Variants in POC1B observed in about 807,000 individuals in gnomAD.
POC1B encodes the protein POC1 centriolar protein B.
POC1B carries 44 observed loss-of-function variants against 60.6 expected under a neutral mutation model. The ratio of observed to expected loss-of-function variants is 0.73; its 90% CI spans 0.57 to 0.93. The LOEUF (loss-of-function observed/expected upper bound fraction) is 0.93. POC1B is among the 40% of genes least tolerant of loss of function. The pLI is 0.00. For synonymous variants in POC1B, 180 were observed against 198.9 expected, an observed-to-expected ratio of 0.90 and a Z score of 0.80; for missense variants, 555 against 572.3, an observed-to-expected ratio of 0.97 and a Z score of 0.31.
chr12:89,494,664 A>T (rs1565748790), intron 3 of POC1B, among the ~76,000 whole-genome samples: 1 of 152,174 alleles, frequency 6.6e-6, no homozygotes, highest in Non-Finnish European at 1.5e-5. Flanking sequence ...GGCAGAAGTG[A>T]CACTGCAAGT....
chr12:89,484,540 T>C (rs536865480), intron 4 of POC1B, among the ~76,000 whole-genome samples: 5 of 152,360 alleles, frequency 3.3e-5, no homozygotes, highest in Admixed American at 1.3e-4. Flanking sequence ...AGTTAATAGC[T>C]GACATTAATT....
At position 89,497,203 on chromosome 12, in the gene POC1B, T is replaced by C. The variant is rs1032759424; in HGVS notation, c.240A>G (p.Arg80=). 3.7e-6 allele frequency: 6 copies of C among 1,613,956 alleles called. No individual in the cohort carries two copies. In the Admixed American group the frequency reaches 8.3e-5, roughly 22 times the overall value. The change falls in exon 3 of 12, where the codon CGA becomes CGG. Residue 80 remains arginine (R), a synonymous_variant. Coordinates refer to ENST00000313546, the MANE Select transcript of POC1B (RefSeq NM_172240.3). ...GAATCCAGAGTCTCACGGTTCTGTCTCGTGAGGCAGACGCCAATAAGTTTC... is the reference window on the plus strand; with the variant it reads ...GAATCCAGAGTCTCACGGTTCTGTCCCGTGAGGCAGACGCCAATAAGTTTC... ...PHGNLLASAS[R]DRTVRLWIPD...
At chr12:89,520,372 C>G (rs1402939328) in intron 2 of POC1B, 18 of 151,228 alleles carry the variant, frequency 1.2e-4, no homozygotes, top group Admixed American at 1.2e-3. Context: ...AGGTGGCTAA[C>G]AAGAAAACCA....
intron 9 of POC1B, among the ~76,000 whole-genome samples, chr12:89,465,760 G>A (rs1882660109): frequency 6.6e-6 from 1 of 152,130 alleles, no homozygotes; most frequent in Non-Finnish European, 1.5e-5. Context: ...TTATAGCCAA[G>A]AACTGAAAGT....
At chr12:89,435,137 T>G (rs1171280501) in intron 10 of POC1B, among the ~76,000 whole-genome samples, 1 of 151,566 alleles carries the variant, frequency 6.6e-6, no homozygotes, top group Non-Finnish European at 1.5e-5. Context: ...CTGGATACAG[T>G]TGAAAAACTG....
In POC1B at chr12:89,499,581, TGGTTTAAGAACACTG is replaced by T. The variant is rs1234820544; in HGVS notation, c.101-2254_101-2240del. ...TTTGAGCAGGGGCAATCTCATGATC[TGGTTTAAGAACACTG>T]CCACTTTGACAATAAGGAAAGGATT... On this transcript the variant is annotated intron_variant, in intron 2 of 11. Transcript: ENST00000313546. Among the ~76,000 whole-genome samples the T allele has an allele frequency of 2.0e-4, 31 of 152,130 alleles. No homozygotes were observed. The South Asian group carries it at 4.9e-3, about 24-fold the overall frequency.
rs1325511714 is a variant in POC1B at position 89,523,229 on chromosome 12, T to C, written c.100+1891A>G. The C allele has an allele frequency of 4.3e-6, 7 of 1,613,952 alleles. No homozygotes were observed. In the Admixed American group the frequency reaches 1.0e-4, roughly 23 times the overall value. Reference sequence around the variant, plus strand: ...CGAATAGCCCCATGCCAGCCTGGTCTATCCTCTGGAACATGTAAATTAGGA... The same window carrying C: ...CGAATAGCCCCATGCCAGCCTGGTCCATCCTCTGGAACATGTAAATTAGGA... On this transcript the variant is annotated intron_variant, in intron 2 of 11. Transcript: ENST00000313546.
intron 6 of POC1B, 109 bp downstream of exon 6, chr12:89,471,505 G>A (rs1882892079): frequency 2.5e-6 from 2 of 797,874 alleles, no homozygotes; most frequent in Non-Finnish European, 4.2e-6. Flanking sequence ...CCTGTTCCAA[G>A]GCAGCCCATG....
chr12:89,507,507 T>C (rs1434224706), intron 2 of POC1B, among the ~76,000 whole-genome samples: 2 of 152,164 alleles, frequency 1.3e-5, no homozygotes, highest in African/African-American at 4.8e-5. Context: ...TCAAAGCTTG[T>C]ACCATTCATC....
In POC1B at chr12:89,425,342, C is replaced by T; in HGVS notation, c.1151G>A (p.Gly384Asp). Residue 384 changes from glycine to aspartate, a missense_variant, in exon 11 of 12, where the codon GGT becomes GAT. By Grantham distance (94) the Gly-to-Asp change is moderately conservative. Transcript: ENST00000313546. ...CAAGAAATATCCACAGGCCTCTTCA[C>T]CCTTGTCTGGCAGAGTCCTACCACT... is the stretch of plus-strand genomic sequence containing the variant. ...ETSGRTLPDKGEEACGYFLNP... is the reference protein window; with the variant it reads ...ETSGRTLPDKDEEACGYFLNP... 1.2e-6 allele frequency: 2 copies of T among 1,614,068 alleles called. No individual in the cohort carries two copies. The highest frequency in any genetic ancestry group is 2.2e-5 in the South Asian group (2 of 91,080).
intron 2 of POC1B, among the ~76,000 whole-genome samples, chr12:89,518,811 A>G (rs1259441782): frequency 6.6e-6 from 1 of 152,242 alleles, no homozygotes; most frequent in Non-Finnish European, 1.5e-5. Context: ...GAGTAAGGTT[A>G]GAATACAAGT....
At chr12:89,524,856 C>T (rs1319252729) in intron 2 of POC1B, 2 of 624,224 alleles carry the variant, frequency 3.2e-6, no homozygotes, top group Non-Finnish European at 2.8e-6. Flanking sequence ...CCCACTCACT[C>T]CTCCTGGTGG....
chr12:89,450,900 C>A (rs1255538725), intron 10 of POC1B, among the ~76,000 whole-genome samples: 6 of 152,090 alleles, frequency 3.9e-5, no homozygotes, highest in African/African-American at 1.4e-4. Context: ...ATTATTTTAA[C>A]AGAGAGAATT....
chr12:89,440,823 C>T (rs763807177), intron 10 of POC1B, among the ~76,000 whole-genome samples: 8 of 152,222 alleles, frequency 5.3e-5, no homozygotes, highest in East Asian at 3.9e-4. Context: ...GGCGGGGCAT[C>T]GCCTCACCCA....
At chr12:89,451,673 A>G (rs554620649) in intron 10 of POC1B, among the ~76,000 whole-genome samples, 1 of 152,336 alleles carries the variant, frequency 6.6e-6, no homozygotes, top group South Asian at 2.1e-4. Flanking sequence ...AGCCCTAATA[A>G]TATGTTTTAC....
chr12:89,458,237 T>G (rs1882336146), intron 10 of POC1B, among the ~76,000 whole-genome samples: 1 of 152,228 alleles, frequency 6.6e-6, no homozygotes, highest in African/African-American at 2.4e-5. Flanking sequence ...GGGGAAAACC[T>G]AACTCATCAG....
At chr12:89,446,544 C>G (rs973066432) in intron 10 of POC1B, among the ~76,000 whole-genome samples, 2 of 151,948 alleles carry the variant, frequency 1.3e-5, no homozygotes, top group African/African-American at 2.4e-5. Context: ...TAGGTGGGAA[C>G]TGAACAATGA....
At position 89,436,857 on chromosome 12, in the gene POC1B, G is replaced by A. The variant is rs369773055; in HGVS notation, c.1114-11478C>T. Among the ~76,000 whole-genome samples, 11 of 152,164 alleles carry A rather than the reference G, an allele frequency of 7.2e-5. No individual in the cohort carries two copies. The South Asian group carries it at 1.2e-3, about 17-fold the overall frequency. On this transcript the variant is annotated intron_variant, in intron 10 of 11. Coordinates refer to ENST00000313546, the MANE Select transcript of POC1B (RefSeq NM_172240.3). The stretch of plus-strand genomic sequence containing the variant: ...CGAATACTATGGAGCAGCAGTTTAC[G>A]GGTCACCCTGTGGGACCAAGTGTCT...
chr12:89,444,617 G>T (rs965179594), intron 10 of POC1B, among the ~76,000 whole-genome samples: 1 of 152,018 alleles, frequency 6.6e-6, no homozygotes, highest in African/African-American at 2.4e-5. Context: ...AAAATAATAA[G>T]AACTATTTAT....
Sources: gnomAD v4.1 joint callset for allele counts (sites outside exome capture counted in the v4.1 genomes callset) on GRCh38, gnomAD v4.1.1 for gene constraint, MANE v1.5 for transcripts, NCBI Gene and HGNC (gene_info 2026-07-23, HGNC 2026-07-21) for gene names.